Variants in RIMS2 observed in about 807,000 individuals in gnomAD.
RIMS2 encodes the protein regulating synaptic membrane exocytosis protein 2.
Under a neutral mutation model 174.4 loss-of-function variants are expected in RIMS2, and 59 were observed. That is an observed-to-expected ratio of 0.34 (90% CI 0.27 to 0.42). The LOEUF is 0.42. Among genes scored for constraint, RIMS2 ranks in the 10% least tolerant of loss-of-function variants. The pLI, the probability that RIMS2 is intolerant of heterozygous loss-of-function variation, is 1.00. For synonymous variants in RIMS2, 606 were observed against 572.5 expected (o/e 1.06, Z -0.84); for missense variants, 1,620 against 1,666.3 (o/e 0.97, Z 0.48).
At chr8:103,688,260 A>G (rs578198859) in intron 1 of RIMS2, among the ~76,000 whole-genome samples, 2 of 152,184 alleles carry the variant, frequency 1.3e-5, no homozygotes, top group South Asian at 4.1e-4. Flanking sequence ...TTGTGTTGAC[A>G]TATATTTCTT....
chr8:104,013,870 G>C (rs2095831629), intron 18 of RIMS2, among the ~76,000 whole-genome samples: 1 of 151,884 alleles, frequency 6.6e-6, no homozygotes, highest in African/African-American at 2.4e-5. Flanking sequence ...AGGAGTCCTG[G>C]GTAAATTCTG....
intron 1 of RIMS2, among the ~76,000 whole-genome samples, chr8:103,518,710 G>T (rs1373120088): frequency 2.0e-5 from 3 of 152,030 alleles, no homozygotes; most frequent in Non-Finnish European, 4.4e-5. Flanking sequence ...TTTGAAATGA[G>T]ATAGTGATAG....
intron 19 of RIMS2, among the ~76,000 whole-genome samples, chr8:104,135,787 G>A (rs1326038362): frequency 6.6e-6 from 1 of 152,086 alleles, no homozygotes; most frequent in East Asian, 1.9e-4. Flanking sequence ...TGGAATCTAA[G>A]TTGGTTAAGT....
intron 2 of RIMS2, among the ~76,000 whole-genome samples, chr8:103,701,358 T>C (rs1469757424): frequency 1.3e-5 from 2 of 152,168 alleles, no homozygotes; most frequent in Non-Finnish European, 2.9e-5. Flanking sequence ...AACTGTACAA[T>C]GTGTAATGAT....
chr8:104,121,211 T>A (rs2098369123), intron 19 of RIMS2, among the ~76,000 whole-genome samples: 1 of 152,176 alleles, frequency 6.6e-6, no homozygotes, highest in African/African-American at 2.4e-5. Context: ...TATTCAATTG[T>A]TGAATATTCC....
intron 1 of RIMS2, among the ~76,000 whole-genome samples, chr8:103,564,970 T>C (rs1043274094): frequency 4.6e-5 from 7 of 152,234 alleles, no homozygotes; most frequent in Non-Finnish European, 1.0e-4. Flanking sequence ...AAACGTTATA[T>C]GACACAGCTC....
intron 5 of RIMS2, 64 bp from the exon 9 acceptor site, chr8:103,911,988 AC>A (rs990927434): frequency 3.3e-5 from 43 of 1,283,790 alleles, no homozygotes; most frequent in Middle Eastern, 2.2e-4. Context: ...TTGTCATAAA[AC>A]GATAAATAAA....
At chr8:103,605,610 G>T (rs1377326835) in intron 1 of RIMS2, among the ~76,000 whole-genome samples, 3 of 151,942 alleles carry the variant, frequency 2.0e-5, no homozygotes, top group Non-Finnish European at 4.4e-5. Context: ...GTAGAATTCA[G>T]CTGTGAATCC....
rs772615565 is a variant in RIMS2, at chr8:104,013,604, T to G, written c.3207T>G (p.Pro1069=). 4 of 1,613,528 alleles carry G rather than the reference T, an allele frequency of 2.5e-6. No individual in the cohort carries two copies. In the East Asian group the frequency reaches 8.9e-5, roughly 36 times the overall value. ...TAATGACTGGAAGATCTGCCCCTCC[T>G]TCACCTGCCTTATCGAGGTGAAAGA... The change falls in exon 18 of 24, where the codon CCT becomes CCG. Residue 1069 remains proline (P), a synonymous_variant. Transcript: ENST00000504942.
intron 19 of RIMS2, among the ~76,000 whole-genome samples, chr8:104,095,024 A>G (rs2097732926): frequency 6.6e-6 from 1 of 152,094 alleles, no homozygotes; most frequent in Admixed American, 6.6e-5. Context: ...ATTACTGTAT[A>G]TCTTCTTTAT....
At chr8:103,754,195 T>C (rs1336642681) in intron 2 of RIMS2, among the ~76,000 whole-genome samples, 3 of 152,174 alleles carry the variant, frequency 2.0e-5, no homozygotes, top group African/African-American at 7.2e-5. Flanking sequence ...TACCCAGTAG[T>C]CATTCAGGAG....
intron 3 of RIMS2, among the ~76,000 whole-genome samples, chr8:103,799,820 T>A (rs1330253846): frequency 6.6e-6 from 1 of 152,206 alleles, no homozygotes; most frequent in Non-Finnish European, 1.5e-5. Context: ...TTGTTTTTTT[T>A]AGCAGGCATT....
chr8:103,658,252 C>G lies in RIMS2; in HGVS notation c.177-38834C>G, dbSNP rs529028627. Among the ~76,000 whole-genome samples, 3 of 152,230 alleles carry G rather than the reference C, an allele frequency of 2.0e-5. No individual in the cohort carries two copies. In the South Asian group the frequency reaches 6.2e-4, roughly 32 times the overall value. On this transcript the variant is annotated intron_variant, in intron 1 of 23. Coordinates refer to ENST00000504942, the Ensembl canonical transcript of RIMS2. ...GCACCAACCTAATATTAAGTTTTGT[C>G]AGTGAGATAACAGGGAGATTTTTGC...
At chr8:103,723,090 C>T (rs1165522486) in intron 2 of RIMS2, among the ~76,000 whole-genome samples, 13 of 152,080 alleles carry the variant, frequency 8.5e-5, no homozygotes, top group African/African-American at 2.2e-4. Context: ...CGAGCCTGGG[C>T]GACAGAGCAA....
chr8:104,049,482 A>G (rs1161169262), intron 19 of RIMS2, among the ~76,000 whole-genome samples: 1 of 152,108 alleles, frequency 6.6e-6, no homozygotes, highest in African/African-American at 2.4e-5. Context: ...GTTAAAGAAC[A>G]ATAAAACAAG....
At chr8:103,648,400 G>A (rs1289840206) in intron 1 of RIMS2, among the ~76,000 whole-genome samples, 1 of 152,076 alleles carries the variant, frequency 6.6e-6, no homozygotes, top group Non-Finnish European at 1.5e-5. Context: ...ATGTGGTGAT[G>A]AGAAGAATGT....
At chr8:103,673,708 C>T (rs2096774214) in intron 1 of RIMS2, among the ~76,000 whole-genome samples, 2 of 152,196 alleles carry the variant, frequency 1.3e-5, no homozygotes, top group South Asian at 4.1e-4. Flanking sequence ...TTTCTGAACT[C>T]CATCAAGGTC....
intron 19 of RIMS2, among the ~76,000 whole-genome samples, chr8:104,200,960 T>G (rs1366266041): frequency 6.6e-6 from 1 of 152,112 alleles, no homozygotes; most frequent in Non-Finnish European, 1.5e-5. Context: ...AAACAAAGGT[T>G]GTTTTTGTTT....
intron 3 of RIMS2, among the ~76,000 whole-genome samples, chr8:103,822,029 A>T (rs546471248): frequency 2.9e-4 from 44 of 151,804 alleles, no homozygotes; most frequent in African/African-American, 1.0e-3. Flanking sequence ...GGACTAGTTG[A>T]CATGGAATAT....
Sources: gnomAD v4.1 joint callset for allele counts (sites outside exome capture counted in the v4.1 genomes callset) on GRCh38, gnomAD v4.1.1 for gene constraint, MANE v1.5 for transcripts, NCBI Gene and HGNC (gene_info 2026-07-23, HGNC 2026-07-21) for gene names.